Variants in C10orf71 observed in about 807,000 individuals in gnomAD.
C10orf71 encodes the protein chromosome 10 open reading frame 71.
For synonymous variants in C10orf71, 758 were observed against 726.3 expected, an observed-to-expected ratio of 1.04 and a Z score of -0.70; for missense variants, 1,869 against 1,804.5, an observed-to-expected ratio of 1.04 and a Z score of -0.65.
intron 1 of C10orf71, among the ~76,000 whole-genome samples, chr10:49,310,929 T>C (rs184641196): frequency 5.9e-5 from 9 of 152,272 alleles, no homozygotes; most frequent in South Asian, 2.1e-4. Flanking sequence ...ACACTTACAC[T>C]AAAAAAGTAT....
intron 2 of C10orf71, among the ~76,000 whole-genome samples, chr10:49,317,715 G>T (rs1248046500): frequency 6.6e-6 from 1 of 152,186 alleles, no homozygotes; most frequent in Non-Finnish European, 1.5e-5. Flanking sequence ...GCCAGGTATG[G>T]TGTAATGCAC....
intron 2 of C10orf71, among the ~76,000 whole-genome samples, chr10:49,317,275 G>T (rs1849014514): frequency 6.6e-6 from 1 of 152,190 alleles, no homozygotes; most frequent in Non-Finnish European, 1.5e-5. Context: ...GGATGGTGCT[G>T]CCGTGGGCTC....
At chr10:49,317,650 A>G (rs1339755530) in intron 2 of C10orf71, among the ~76,000 whole-genome samples, 1 of 152,172 alleles carries the variant, frequency 6.6e-6, no homozygotes, top group East Asian at 1.9e-4. Flanking sequence ...TGGGAGTTCA[A>G]GACAAGCCAG....
Position 49,324,264 on chromosome 10 carries a change from G to A in C10orf71, c.1719G>A (p.Gln573=). The change falls in exon 3 of 3, where the codon CAG becomes CAA. Residue 573 remains glutamine, a synonymous_variant. Coordinates refer to ENST00000374144, the MANE Select transcript of C10orf71 (RefSeq NM_001135196.2). ...DDPTASHINP[Q]KDPTADPSEP... ...CCACTGCATCACACATCAATCCCCAGAAGGACCCTACAGCTGACCCCAGTG... is the reference window on the plus strand; with the variant it reads ...CCACTGCATCACACATCAATCCCCAAAAGGACCCTACAGCTGACCCCAGTG... 6.2e-7 allele frequency: 1 copy of A among 1,613,894 alleles called. No homozygotes were observed. The highest frequency in any genetic ancestry group is 8.5e-7 in the Non-Finnish European group (1 of 1,179,878).
chr10:49,310,666 A>C (rs763502870), intron 1 of C10orf71, among the ~76,000 whole-genome samples: 2 of 152,144 alleles, frequency 1.3e-5, no homozygotes, highest in African/African-American at 2.4e-5. Flanking sequence ...TGATGCATAC[A>C]CATGAGCCGT....
intron 1 of C10orf71, among the ~76,000 whole-genome samples, chr10:49,301,243 G>C (rs1848723676): frequency 6.6e-6 from 1 of 152,150 alleles, no homozygotes; most frequent in Non-Finnish European, 1.5e-5. Context: ...GGGCACACAG[G>C]GCTGCTGCTC....
At position 49,322,113 on chromosome 10, in the gene C10orf71, C is replaced by T. The variant is rs542461828; in HGVS notation, c.-144-289C>T. 1.7e-4 allele frequency among the ~76,000 whole-genome samples: 26 copies of T among 152,206 alleles called. 1 individual carries two copies. The highest frequency in any genetic ancestry group is 6.8e-3 in the Middle Eastern group (2 of 294). ...TGTCTATTTTTGTTTGTGTTGCTTG[C>T]GAACTCAGTCTTTTTACTCTTAGGG... On this transcript the variant is annotated intron_variant, in intron 2 of 2. Coordinates refer to ENST00000374144, the MANE Select transcript of C10orf71 (RefSeq NM_001135196.2).
At chr10:49,314,279 A>G (rs1273224241) in intron 1 of C10orf71, among the ~76,000 whole-genome samples, 1 of 152,196 alleles carries the variant, frequency 6.6e-6, no homozygotes, top group Non-Finnish European at 1.5e-5. Flanking sequence ...TTAAATAGGA[A>G]CTGACCAGGT....
intron 2 of C10orf71, among the ~76,000 whole-genome samples, chr10:49,317,927 G>A (rs1254022245): frequency 1.3e-5 from 2 of 152,170 alleles, no homozygotes; most frequent in African/African-American, 2.4e-5. Flanking sequence ...GGAAGATGAT[G>A]TGAAGACACA....
At chr10:49,303,648 A>G (rs1272817794) in intron 1 of C10orf71, among the ~76,000 whole-genome samples, 2 of 152,208 alleles carry the variant, frequency 1.3e-5, no homozygotes, top group African/African-American at 4.8e-5. Flanking sequence ...ACAACAGGAG[A>G]TGCTCCAAGG....
At chr10:49,301,267 A>G (rs1848725229) in intron 1 of C10orf71, among the ~76,000 whole-genome samples, 1 of 152,204 alleles carries the variant, frequency 6.6e-6, no homozygotes, top group African/African-American at 2.4e-5. Flanking sequence ...AACAGGGTCC[A>G]TCGAGGCTGG....
At chr10:49,308,590 A>C (rs1848857425) in intron 1 of C10orf71, among the ~76,000 whole-genome samples, 1 of 152,200 alleles carries the variant, frequency 6.6e-6, no homozygotes, top group African/African-American at 2.4e-5. Context: ...AGTGGAAGCC[A>C]ATCTAAGGCA....
In C10orf71 at chr10:49,326,016, T is replaced by A. The variant is rs538960060; in HGVS notation, c.3471T>A (p.Leu1157=). The A allele has an allele frequency of 9.0e-6, 14 of 1,551,638 alleles. 1 individual carries two copies. In the South Asian group the frequency reaches 1.5e-4, roughly 17 times the overall value. Residue 1157 remains leucine, a synonymous_variant, in exon 3 of 3, where the codon CTT becomes CTA. Transcript: ENST00000374144. ...ATSPAGTSGR[L]ELPAQLERTA... ...GCCCAGCAGGCACCTCTGGGAGACT[T>A]GAGCTTCCTGCACAGCTAGAGAGGA... is the stretch of plus-strand genomic sequence containing the variant.
At position 49,325,871 on chromosome 10, in the gene C10orf71, G is replaced by A. The variant is rs1263573668; in HGVS notation, c.3326G>A (p.Arg1109Gln). The change falls in exon 3 of 3, where the codon CGG (arginine) becomes CAG (glutamine). Residue 1109 changes from arginine to glutamine, a missense_variant. Physicochemically the swap from Arg to Gln is conservative, Grantham distance 43 (BLOSUM62 1). Transcript: ENST00000374144. ...AGCTCCAGTCCTGCCAGGGTCACCC[G>A]GAGGGAGGACCTGACCCACGCCCTC... ...WASSSPARVT[R>Q]REDLTHALVW... 5.2e-6 allele frequency: 8 copies of A among 1,550,236 alleles called. No individual in the cohort carries two copies. Among genetic ancestry groups the A allele is most frequent in the Non-Finnish European group, 7.0e-6 (8 of 1,145,956 alleles).
Position 49,323,407 on chromosome 10 carries a change from C to T in C10orf71, c.862C>T (p.Leu288=). 6.2e-7 allele frequency: 1 copy of T among 1,614,004 alleles called. No individual in the cohort carries two copies. The highest frequency in any genetic ancestry group is 8.5e-7 in the Non-Finnish European group (1 of 1,179,884). Residue 288 remains leucine (L), a synonymous_variant, in exon 3 of 3, where the codon CTG becomes TTG. Transcript: ENST00000374144. The part of the protein sequence containing the change: ...ESWNAHQPKL[L]ERKDTAGTVP... ...ATGGAATGCCCACCAACCAAAGCTGCTGGAGAGAAAGGACACAGCTGGAAC... is the reference window on the plus strand; with the variant it reads ...ATGGAATGCCCACCAACCAAAGCTGTTGGAGAGAAAGGACACAGCTGGAAC...
In C10orf71 at chr10:49,327,154, C is replaced by T. The variant is rs1564695081; in HGVS notation, c.*301C>T. On this transcript the variant is annotated 3_prime_UTR_variant, in exon 3 of 3. Coordinates refer to ENST00000374144, the MANE Select transcript of C10orf71 (RefSeq NM_001135196.2). ...CCCTTCTCCCTCCCTCCCTTCCTCCCTCTCCTGGCCCACCCTGCTCTTCCC... is the reference window on the plus strand; with the variant it reads ...CCCTTCTCCCTCCCTCCCTTCCTCCTTCTCCTGGCCCACCCTGCTCTTCCC... 1.7e-5 allele frequency: 15 copies of T among 880,068 alleles called. No homozygotes were observed. The highest frequency in any genetic ancestry group is 2.2e-5 in the Non-Finnish European group (14 of 623,926). The allele number at this position is 880,068 out of a possible 1,614,324, so 54.5% of individuals were successfully genotyped here.
At chr10:49,307,198 G>A (rs1848829515) in intron 1 of C10orf71, among the ~76,000 whole-genome samples, 1 of 152,200 alleles carries the variant, frequency 6.6e-6, no homozygotes, top group Admixed American at 6.5e-5. Context: ...CTCACAAGGA[G>A]ACGCCAAGGG....
intron 1 of C10orf71, among the ~76,000 whole-genome samples, chr10:49,315,867 C>T (rs942008767): frequency 6.6e-6 from 1 of 152,240 alleles, no homozygotes; most frequent in South Asian, 2.1e-4. Flanking sequence ...ACCAGCCTGG[C>T]CAATATGGTG....
At chr10:49,321,845 G>A (rs1849098672) in intron 2 of C10orf71, among the ~76,000 whole-genome samples, 1 of 152,122 alleles carries the variant, frequency 6.6e-6, no homozygotes, top group Admixed American at 6.5e-5. Context: ...CCATTTCTAT[G>A]TCTTCTTTGG....
Sources: allele counts gnomAD v4.1 joint callset (sites outside exome capture counted in the v4.1 genomes callset), GRCh38; gene constraint gnomAD v4.1.1; transcripts MANE v1.5; gene names NCBI Gene and HGNC (gene_info 2026-07-23, HGNC 2026-07-21).